Variants in TTC23L observed in about 807,000 individuals in gnomAD.
The protein encoded by TTC23L is tetratricopeptide repeat domain 23 like, also known as tetratricopeptide repeat protein 23-like.
Under a neutral mutation model 48.1 loss-of-function variants are expected in TTC23L, and 42 were observed. The ratio of observed to expected loss-of-function variants is 0.87; its 90% CI spans 0.68 to 1.13. The LOEUF is 1.13. TTC23L is among the 50% of genes most tolerant of loss of function. The pLI, the probability that TTC23L is intolerant of heterozygous loss-of-function variation, is 0.00. For synonymous variants in TTC23L, 159 were observed against 157.2 expected (o/e 1.01, Z -0.09); for missense variants, 391 against 421.0 (o/e 0.93, Z 0.62).
intron 3 of TTC23L, 33 bp downstream of exon 3, chr5:34,845,706 C>A (rs1332138203): frequency 6.3e-7 from 1 of 1,578,918 alleles, no homozygotes; most frequent in Non-Finnish European, 8.6e-7. Flanking sequence ...ATTTTGTTTC[C>A]ATTTAAAAAT....
At chr5:34,853,846 G>C (rs1038141440) in intron 4 of TTC23L, among the ~76,000 whole-genome samples, 1 of 152,180 alleles carries the variant, frequency 6.6e-6, no homozygotes, top group African/African-American at 2.4e-5. Flanking sequence ...GATTCACAGA[G>C]ACTAGCTAAG....
intron 3 of TTC23L, among the ~76,000 whole-genome samples, chr5:34,849,075 C>G (rs1442578579): frequency 6.6e-6 from 1 of 152,142 alleles, no homozygotes; most frequent in Non-Finnish European, 1.5e-5. Flanking sequence ...ACCATGTGTC[C>G]TGCCTTTCCA....
At chr5:34,918,244 A>T in the TTC23L span, 1 of 533,598 alleles carries the variant, frequency 1.9e-6, no homozygotes, top group Non-Finnish European at 3.4e-6. Context: ...GAGCCCAGGA[A>T]CTTGAAACTG....
chr5:34,839,672 G>A, intron 1 of TTC23L: 5 of 985,318 alleles, frequency 5.1e-6, no homozygotes, highest in Non-Finnish European at 4.8e-6. Context: ...AGCCACTCAG[G>A]GCTCGGTGGG....
chr5:34,911,438 A>G, the TTC23L span: 1 of 1,275,228 alleles, frequency 7.8e-7, no homozygotes, highest in Middle Eastern at 2.7e-4. Context: ...CAAGCTGTCT[A>G]AAGTTGTGAA....
chr5:34,919,844 T>G, the TTC23L span: 2 of 1,108,372 alleles, frequency 1.8e-6, no homozygotes, highest in Non-Finnish European at 1.3e-6. Context: ...TTCTAGATAC[T>G]AAAATGGATC....
intron 8 of TTC23L, among the ~76,000 whole-genome samples, chr5:34,878,633 A>G (rs1762015931): frequency 6.6e-6 from 1 of 152,224 alleles, no homozygotes; most frequent in African/African-American, 2.4e-5. Context: ...GACAGTATAG[A>G]TGAGAAATCA....
chr5:34,883,220 C>G (rs577036392), intron 9 of TTC23L: 13 of 161,646 alleles, frequency 8.0e-5, no homozygotes, highest in African/African-American at 3.1e-4. Flanking sequence ...GAATACCCCA[C>G]AAGTGTTACC....
intron 8 of TTC23L, among the ~76,000 whole-genome samples, chr5:34,873,990 C>G (rs1761655634): frequency 6.6e-6 from 1 of 152,166 alleles, no homozygotes; most frequent in Non-Finnish European, 1.5e-5. Context: ...TGAGCAGAAA[C>G]TTCTGGTTTC....
At chr5:34,924,986 G>C in the TTC23L span, 11 of 1,611,646 alleles carry the variant, frequency 6.8e-6, no homozygotes, top group African/African-American at 1.5e-4. Context: ...GTAAGCGGTT[G>C]TGTCATTCAG....
At chr5:34,866,799 GCCAAATTCTT>G in intron 6 of TTC23L, 83 bp from the exon 7 acceptor site, 1 of 1,291,882 alleles carries the variant, frequency 7.7e-7, no homozygotes, top group South Asian at 1.6e-5. Flanking sequence ...GCCTGTGAAG[GCCAAATTCTT>G]TAATTCTTGG....
rs1202722983 is a variant in TTC23L at position 34,896,736 on chromosome 5, A to T, written c.1078-34A>T. The T allele has an allele frequency of 9.1e-6, 7 of 767,656 alleles. No individual in the cohort carries two copies. The East Asian group carries it at 1.7e-4, about 19-fold the overall frequency. The allele number at this position is 767,656 out of a possible 1,614,324, so 47.6% of individuals were successfully genotyped here. A position where few individuals can be genotyped will look rare whatever the true frequency, so the allele number is the denominator to read the frequency against. On this transcript the variant is annotated intron_variant, in intron 9 of 10. Transcript: ENST00000505624. Reference sequence around the variant, plus strand: ...ATCTATGAGAATTGGAAAACACTTCATAGAGAGGGTGACATTTGAGCCATT... The same window carrying T: ...ATCTATGAGAATTGGAAAACACTTCTTAGAGAGGGTGACATTTGAGCCATT...
chr5:34,925,193 C>T, the TTC23L span: 1 of 1,500,704 alleles, frequency 6.7e-7, no homozygotes, highest in South Asian at 1.3e-5. Flanking sequence ...ATTTTTATTT[C>T]AAAAGCATCT....
At chr5:34,907,854 T>C in the TTC23L span, 1 of 152,178 alleles carries the variant, frequency 6.6e-6, no homozygotes, top group East Asian at 1.9e-4. Context: ...GTAAAAGCAA[T>C]CATCTCATAC....
chr5:34,907,976 T>G, the TTC23L span: 9 of 152,270 alleles, frequency 5.9e-5, no homozygotes, highest in African/African-American at 1.9e-4. Context: ...AATGCTGGCC[T>G]CCTCCCCAGA....
At chr5:34,868,737 C>T (rs1426415645) in intron 7 of TTC23L, 168 bp from the exon 8 acceptor site, 2 of 607,108 alleles carry the variant, frequency 3.3e-6, no homozygotes, top group Non-Finnish European at 6.0e-6. Flanking sequence ...CTTCCCAAAC[C>T]CTAATCAGTG....
intron 4 of TTC23L, among the ~76,000 whole-genome samples, chr5:34,855,518 C>T (rs6892899): frequency 0.33 from 50,909 of 152,026 alleles, 9,897 homozygotes; most frequent in South Asian, 0.45. Context: ...GACAGATACA[C>T]TTATTTTTAA....
At chr5:34,892,787 G>C (rs1762954517) in intron 9 of TTC23L, among the ~76,000 whole-genome samples, 1 of 152,164 alleles carries the variant, frequency 6.6e-6, no homozygotes, top group Non-Finnish European at 1.5e-5. Context: ...CTGAGGAAAA[G>C]CAAGTGGCCT....
chr5:34,895,214 A>G (rs1001986907), intron 9 of TTC23L, among the ~76,000 whole-genome samples: 4 of 152,240 alleles, frequency 2.6e-5, no homozygotes, highest in Non-Finnish European at 4.4e-5. Context: ...AGTTAGACAT[A>G]TCTGTGTTTG....
Sources: gnomAD v4.1 joint callset for allele counts (sites outside exome capture counted in the v4.1 genomes callset) on GRCh38, gnomAD v4.1.1 for gene constraint, MANE v1.5 for transcripts, NCBI Gene and HGNC (gene_info 2026-07-23, HGNC 2026-07-21) for gene names.